The following ARL15 variants were observed in gnomAD, a reference collection of about 807,000 sequenced individuals.
ARL15 encodes the protein ADP-ribosylation factor-like protein 15.
Under a neutral mutation model 25.2 loss-of-function variants are expected in ARL15, and 19 were observed. That is an observed-to-expected ratio of 0.75 (90% CI 0.53 to 1.10). The LOEUF is 1.10. ARL15 is among the 50% of genes least tolerant of loss of function. The pLI, the probability that ARL15 is intolerant of heterozygous loss-of-function variation, is 0.00. For synonymous variants in ARL15, 94 were observed against 86.8 expected (o/e 1.08, Z -0.46); for missense variants, 220 against 246.0 (o/e 0.89, Z 0.71).
At chr5:53,970,755 C>A (rs1747726194) in intron 4 of ARL15, among the ~76,000 whole-genome samples, 1 of 152,168 alleles carries the variant, frequency 6.6e-6, no homozygotes, top group Non-Finnish European at 1.5e-5. Context: ...GTACAGCTTG[C>A]CAAACTTTAA....
chr5:54,019,270 A>G (rs781744243), intron 4 of ARL15, among the ~76,000 whole-genome samples: 2 of 152,038 alleles, frequency 1.3e-5, no homozygotes. Context: ...CCTTATCCAC[A>G]TATGTCAAAG....
intron 3 of ARL15, among the ~76,000 whole-genome samples, chr5:54,131,739 G>A (rs1579831352): frequency 6.6e-6 from 1 of 152,220 alleles, no homozygotes; most frequent in East Asian, 1.9e-4. Context: ...CATTAGTGTG[G>A]CTACACTATC....
chr5:54,172,227 T>C (rs1270823376), intron 1 of ARL15, among the ~76,000 whole-genome samples: 1 of 152,088 alleles, frequency 6.6e-6, no homozygotes, highest in East Asian at 1.9e-4. Flanking sequence ...CCACACAATC[T>C]GAATCTAAGC....
rs183738407 is a variant in ARL15 at position 54,053,494 on chromosome 5, A to C, written c.462+59708T>G. ...CAAACAGTAGAGTATGAAAAAAGAA[A>C]AAAAATAAAAATAAAAAAGAGTGGC... On this transcript the variant is annotated intron_variant, in intron 4 of 4. Transcript: ENST00000504924. Among the ~76,000 whole-genome samples, 802 of 152,276 alleles carry C rather than the reference A, an allele frequency of 5.3e-3. 3 individuals carry two copies. Among genetic ancestry groups the C allele is most frequent in the Admixed American group, 0.012 (179 of 15,284 alleles).
chr5:53,936,256 G>A (rs914021787), intron 4 of ARL15, among the ~76,000 whole-genome samples: 7 of 152,014 alleles, frequency 4.6e-5, no homozygotes, highest in African/African-American at 1.7e-4. Context: ...TTCACATTTC[G>A]TACTTTATGT....
chr5:53,995,243 G>A (rs920084686), intron 4 of ARL15, among the ~76,000 whole-genome samples: 5 of 149,500 alleles, frequency 3.3e-5, no homozygotes, highest in Non-Finnish European at 5.9e-5. Context: ...GGGAAGTGGA[G>A]GTTGCTCCGA....
At chr5:53,955,955 C>T (rs1184054260) in intron 4 of ARL15, among the ~76,000 whole-genome samples, 3 of 152,078 alleles carry the variant, frequency 2.0e-5, no homozygotes, top group African/African-American at 7.2e-5. Context: ...CATACGAGTC[C>T]CAAAAATATG....
chr5:54,174,410 T>C (rs1283455315), intron 1 of ARL15, among the ~76,000 whole-genome samples: 2 of 152,190 alleles, frequency 1.3e-5, no homozygotes, highest in Non-Finnish European at 2.9e-5. Context: ...CTTGGTAAAT[T>C]AGAGCTTCTT....
intron 1 of ARL15, among the ~76,000 whole-genome samples, chr5:54,213,407 T>C: frequency 6.6e-6 from 1 of 152,204 alleles, no homozygotes; most frequent in East Asian, 1.9e-4. Context: ...TTGCAAAAGA[T>C]AAGGTGGCAG....
chr5:54,310,546 G>A lies in ARL15; in HGVS notation c.-67C>T, dbSNP rs377502498. The A allele has an allele frequency of 6.6e-7, 1 of 1,525,826 alleles. No individual in the cohort carries two copies. Among genetic ancestry groups the A allele is most frequent in the South Asian group, 1.2e-5 (1 of 83,414 alleles). 94.5% of individuals were successfully genotyped at this position (1,525,826 alleles called of 1,614,324 possible). On this transcript the variant is annotated 5_prime_UTR_variant, in exon 1 of 5. Transcript: ENST00000504924. ...AAAAAAGCAGCGTCTCTGGCTGCGAGCGAGCAGCTCCTGAAAAAGCCAGCA... is the reference window on the plus strand; with the variant it reads ...AAAAAAGCAGCGTCTCTGGCTGCGAACGAGCAGCTCCTGAAAAAGCCAGCA...
chr5:54,159,233 A>G (rs746436376), intron 2 of ARL15, among the ~76,000 whole-genome samples: 2 of 152,328 alleles, frequency 1.3e-5, no homozygotes, highest in Non-Finnish European at 1.5e-5. Context: ...TAGAAGGTAC[A>G]TTTTGTAGAA....
At chr5:54,060,315 G>A (rs528162470) in intron 4 of ARL15, among the ~76,000 whole-genome samples, 10 of 152,196 alleles carry the variant, frequency 6.6e-5, no homozygotes, top group Admixed American at 2.6e-4. Flanking sequence ...TGTAATCCCC[G>A]CTACTCAGGA....
At chr5:54,210,914 C>T (rs1344067629) in intron 1 of ARL15, among the ~76,000 whole-genome samples, 2 of 152,150 alleles carry the variant, frequency 1.3e-5, no homozygotes, top group Non-Finnish European at 2.9e-5. Context: ...GCTTTTTCTG[C>T]AATAACACAT....
intron 1 of ARL15, among the ~76,000 whole-genome samples, chr5:54,240,258 T>C (rs1326131922): frequency 1.6e-5 from 2 of 124,158 alleles, no homozygotes; most frequent in Admixed American, 1.7e-4. Context: ...ACATCGCCAA[T>C]AATTTTTTTT....
At chr5:54,150,775 G>C (rs182882281) in intron 3 of ARL15, among the ~76,000 whole-genome samples, 67 of 151,270 alleles carry the variant, frequency 4.4e-4, no homozygotes, top group Admixed American at 1.3e-3. Context: ...TCCATCCTGG[G>C]CAACGGAGCA....
chr5:54,236,187 A>T (rs1756800409), intron 1 of ARL15, among the ~76,000 whole-genome samples: 1 of 152,194 alleles, frequency 6.6e-6, no homozygotes, highest in Non-Finnish European at 1.5e-5. Context: ...CTTCCAACTG[A>T]TAGTGTCTGA....
At chr5:53,909,772 G>A (rs1033848361) in intron 4 of ARL15, among the ~76,000 whole-genome samples, 1 of 152,002 alleles carries the variant, frequency 6.6e-6, no homozygotes. Context: ...ATCAAAAAGA[G>A]AATTTAAGGA....
chr5:54,065,583 T>TTGAGGCTGAGGCAGGAGAATCACC (rs375217633), intron 4 of ARL15, among the ~76,000 whole-genome samples: 26,496 of 151,814 alleles, frequency 0.17, 2,985 homozygotes, highest in African/African-American at 0.32. Flanking sequence ...GGAGAATCAC[T>TTGAGGCTGAGGCAGGAGAATCACC]TGAACCCAGG....
intron 3 of ARL15, among the ~76,000 whole-genome samples, chr5:54,124,960 C>T (rs1490043720): frequency 6.6e-6 from 1 of 152,078 alleles, no homozygotes; most frequent in African/African-American, 2.4e-5. Flanking sequence ...TAGTGCCTTG[C>T]TTCTAGCCAA....
Sources: allele counts gnomAD v4.1 joint callset (sites outside exome capture counted in the v4.1 genomes callset), GRCh38; gene constraint gnomAD v4.1.1; transcripts MANE v1.5; gene names NCBI Gene and HGNC (gene_info 2026-07-23, HGNC 2026-07-21).